NF1: variants seen among roughly 807,000 people sequenced by gnomAD.
NF1 encodes the protein neurofibromin.
A neutral mutation model predicts 325.7 loss-of-function variants in NF1; 122 were observed. That is an observed-to-expected ratio of 0.37 (90% CI 0.32 to 0.44). The LOEUF (loss-of-function observed/expected upper bound fraction) is 0.44, where lower values mean the gene tolerates loss of function less well. Among genes scored for constraint, NF1 ranks in the 20% least tolerant of loss-of-function variants. The probability of loss-of-function intolerance (pLI) is 1.00; values close to 1 mark genes in which losing one functional copy is unlikely to be tolerated. For synonymous variants in NF1, 1,091 were observed against 1,186.0 expected (o/e 0.92, Z 1.65); for missense variants, 2,140 against 3,415.4 (o/e 0.63, Z 9.31).
Position 31,352,312 on chromosome 17 carries a change from G to C in NF1, c.7513G>C (p.Ala2505Pro), listed in dbSNP as rs786202955. 1 of 1,614,098 alleles carries C rather than the reference G, an allele frequency of 6.2e-7. No individual in the cohort carries two copies. The highest frequency in any genetic ancestry group is 8.5e-7 in the Non-Finnish European group (1 of 1,180,026). The change falls in exon 51 of 58, where the codon GCA becomes CCA. Residue 2505 changes from alanine (A) to proline (P), a missense_variant. By Grantham distance (27) the Ala-to-Pro change is conservative (BLOSUM62 -1). Coordinates refer to ENST00000358273, the MANE Select transcript of NF1 (RefSeq NM_001042492.3). ...TCCCAAAGGTTCTGAAGGATACCTT[G>C]CAGCCACCTATCCAACTGTCGGCCA... ...SSPKGSEGYL[A>P]ATYPTVGQTS...
intron 36 of NF1, among the ~76,000 whole-genome samples, chr17:31,314,925 G>C (rs990861214): frequency 6.6e-6 from 1 of 152,094 alleles, no homozygotes; most frequent in Non-Finnish European, 1.5e-5. Context: ...CACTAACAGC[G>C]TACGAGAGTT....
intron 34 of NF1, among the ~76,000 whole-genome samples, chr17:31,261,470 G>A (rs371902278): frequency 8.5e-5 from 13 of 152,212 alleles, no homozygotes; most frequent in African/African-American, 2.9e-4. Context: ...ACATTCACGG[G>A]AAAAGTAGTG....
At chr17:31,361,081 C>CAAAAAAAAAAAAAAAAAA (rs60249232) in intron 57 of NF1, 26 of 46,542 alleles carry the variant, frequency 5.6e-4, no homozygotes, top group South Asian at 1.2e-3. Context: ...CATACTATAT[C>CAAAAAAAAAAAAAAAAAA]AAAAAAAAAA....
Position 31,316,653 on chromosome 17 carries a change from A to G in NF1, c.4836-9167A>G, listed in dbSNP as rs529500211. On this transcript the variant is annotated intron_variant, in intron 36 of 57. Coordinates refer to ENST00000358273, the MANE Select transcript of NF1 (RefSeq NM_001042492.3). ...TTTGCACAGAATGGGAAGTCTGCCCAGTTTCATTTCTAATCTGGGTTATTT... is the reference window on the plus strand; with the variant it reads ...TTTGCACAGAATGGGAAGTCTGCCCGGTTTCATTTCTAATCTGGGTTATTT... Among the ~76,000 whole-genome samples, 9 of 152,302 alleles carry G rather than the reference A, an allele frequency of 5.9e-5. No individual in the cohort carries two copies. The South Asian group carries it at 8.3e-4, about 14-fold the overall frequency.
At chr17:31,165,659 C>T (rs544034397) in intron 4 of NF1, among the ~76,000 whole-genome samples, 1 of 152,086 alleles carries the variant, frequency 6.6e-6, no homozygotes, top group Non-Finnish European at 1.5e-5. Context: ...CTGACCTTTA[C>T]TTTTCTTTAG....
chr17:31,341,223 C>T (rs1418665430), intron 47 of NF1, among the ~76,000 whole-genome samples: 1 of 152,052 alleles, frequency 6.6e-6, no homozygotes, highest in East Asian at 1.9e-4. Context: ...TCTAATCTTA[C>T]TTTAAAATAT....
At chr17:31,283,952 G>A (rs1279499866) in intron 36 of NF1, among the ~76,000 whole-genome samples, 1 of 152,220 alleles carries the variant, frequency 6.6e-6, no homozygotes, top group African/African-American at 2.4e-5. Context: ...CACATTACTT[G>A]GGTGTTAGTG....
At chr17:31,232,247 C>CA (rs2067125942) in intron 25 of NF1, 58 bp downstream of exon 25, 1 of 1,002,414 alleles carries the variant, frequency 1.0e-6, no homozygotes, top group South Asian at 1.3e-5. Context: ...CCCCACCACA[C>CA]AAAAAAAGCA....
At chr17:31,186,789 T>G (rs1022681421) in intron 8 of NF1, among the ~76,000 whole-genome samples, 2 of 152,170 alleles carry the variant, frequency 1.3e-5, no homozygotes, top group Admixed American at 1.3e-4. Context: ...AAAGTGGCCA[T>G]GGTGGCAGGG....
chr17:31,284,129 C>T (rs993499227), intron 36 of NF1, among the ~76,000 whole-genome samples: 3 of 152,138 alleles, frequency 2.0e-5, no homozygotes, highest in African/African-American at 4.8e-5. Flanking sequence ...GAGACCAAGT[C>T]TCACTCTTAT....
intron 31 of NF1, chr17:31,253,496 G>A (rs2067528650): frequency 6.5e-6 from 1 of 154,638 alleles, no homozygotes; most frequent in Non-Finnish European, 1.4e-5. Context: ...TTTTTATCTA[G>A]GCAGTCTCAG....
intron 29 of NF1, among the ~76,000 whole-genome samples, chr17:31,242,062 C>G (rs927063501): frequency 1.3e-5 from 2 of 151,676 alleles, no homozygotes; most frequent in African/African-American, 4.8e-5. Context: ...TGTCATGCCA[C>G]TCTCTCCTGG....
chr17:31,293,489 A>G (rs2068394153), intron 36 of NF1, among the ~76,000 whole-genome samples: 1 of 152,220 alleles, frequency 6.6e-6, no homozygotes, highest in African/African-American at 2.4e-5. Context: ...TTCGAGAGCC[A>G]CTGTACTAGA....
intron 27 of NF1, among the ~76,000 whole-genome samples, chr17:31,234,855 T>G (rs1393100667): frequency 2.6e-5 from 4 of 152,096 alleles, no homozygotes; most frequent in Admixed American, 6.5e-5. Context: ...GCCTTTGTTG[T>G]TACTGCTTGA....
chr17:31,197,112 T>G (rs1398845953), intron 8 of NF1, among the ~76,000 whole-genome samples: 1 of 151,888 alleles, frequency 6.6e-6, no homozygotes, highest in Non-Finnish European at 1.5e-5. Flanking sequence ...TGGCGCGATC[T>G]CGGCTCACTA....
At chr17:31,285,664 A>G (rs532022904) in intron 36 of NF1, among the ~76,000 whole-genome samples, 17 of 152,192 alleles carry the variant, frequency 1.1e-4, no homozygotes, top group Admixed American at 3.3e-4. Context: ...CCTAGGCAAC[A>G]TGATGAAACC....
At chr17:31,158,944 A>G (rs1160761668) in intron 2 of NF1, 66 bp from the exon 3 acceptor site, 4 of 916,460 alleles carry the variant, frequency 4.4e-6, no homozygotes, top group African/African-American at 3.2e-5. Flanking sequence ...TTCACTTTTC[A>G]GATGTGTGTT....
intron 8 of NF1, 95 bp downstream of exon 8, chr17:31,182,760 G>A (rs2066161619): frequency 6.0e-6 from 7 of 1,167,776 alleles, no homozygotes; most frequent in Middle Eastern, 2.5e-4. Flanking sequence ...TTTAAGCAAA[G>A]TATTTCAGGG....
At chr17:31,252,854 T>C (rs1391723175) in intron 30 of NF1, 84 bp from the exon 31 acceptor site, 3 of 1,085,256 alleles carry the variant, frequency 2.8e-6, no homozygotes, top group Non-Finnish European at 4.2e-6. Flanking sequence ...TTTTATGGTG[T>C]AATTTTATGT....
Sources: allele counts gnomAD v4.1 joint callset (sites outside exome capture counted in the v4.1 genomes callset), GRCh38; gene constraint gnomAD v4.1.1; transcripts MANE v1.5; gene names NCBI Gene and HGNC (gene_info 2026-07-23, HGNC 2026-07-21).